The following LPP variants were observed in gnomAD, a reference collection of about 807,000 sequenced individuals.
The protein encoded by LPP is LIM domain containing preferred translocation partner in lipoma.
A neutral mutation model predicts 60.4 loss-of-function variants in LPP; 38 were observed. The ratio of observed to expected loss-of-function variants is 0.63; its 90% CI spans 0.49 to 0.83. The LOEUF is 0.83. LPP is among the 40% of genes least tolerant of loss of function. The pLI, the probability that LPP is intolerant of heterozygous loss-of-function variation, is 0.00. For synonymous variants in LPP, 328 were observed against 290.8 expected, an observed-to-expected ratio of 1.13 and a Z score of -1.30; for missense variants, 902 against 783.6, an observed-to-expected ratio of 1.15 and a Z score of -1.80.
At chr3:188,166,001 C>A (rs1264205464) in intron 1 of LPP, among the ~76,000 whole-genome samples, 2 of 152,102 alleles carry the variant, frequency 1.3e-5, no homozygotes, top group African/African-American at 4.8e-5. Flanking sequence ...TCTGTGACAT[C>A]TCTTAATTCT....
At chr3:188,804,166 T>A (rs1037043265) in intron 9 of LPP, among the ~76,000 whole-genome samples, 6 of 146,064 alleles carry the variant, frequency 4.1e-5, no homozygotes, top group African/African-American at 1.5e-4. Context: ...TTTGCTAAAA[T>A]TATTTATTCT....
intron 4 of LPP, among the ~76,000 whole-genome samples, chr3:188,447,732 C>T (rs556012960): frequency 4.6e-5 from 7 of 151,730 alleles, no homozygotes; most frequent in East Asian, 3.9e-4. Context: ...GCCGAGATCG[C>T]GCCATTGCAC....
Position 188,169,513 on chromosome 3 carries a change from G to GT in LPP, c.-190+15265dup, listed in dbSNP as rs1188717897. Among the ~76,000 whole-genome samples the GT allele has an allele frequency of 2.0e-5, 3 of 152,324 alleles. No homozygotes were observed. In the East Asian group the frequency reaches 5.8e-4, roughly 29 times the overall value. Reference sequence around the variant, plus strand: ...CAGTATTTCCCAAAGTGTTAAGGCTGTTTTATTAAGAAAAGGGTCCTGTAG... The same window carrying GT: ...CAGTATTTCCCAAAGTGTTAAGGCTGTTTTTATTAAGAAAAGGGTCCTGTAG... On this transcript the variant is annotated intron_variant, in intron 1 of 11. Coordinates refer to ENST00000617246, the MANE Select transcript of LPP (RefSeq NM_001375462.1).
intron 6 of LPP, among the ~76,000 whole-genome samples, chr3:188,575,572 C>G (rs1003741394): frequency 6.6e-6 from 1 of 152,104 alleles, no homozygotes; most frequent in Non-Finnish European, 1.5e-5. Context: ...ACTAAATATG[C>G]TTTTGATGTA....
intron 6 of LPP, among the ~76,000 whole-genome samples, chr3:188,551,454 A>G (rs1472071705): frequency 6.6e-6 from 1 of 152,164 alleles, no homozygotes; most frequent in Non-Finnish European, 1.5e-5. Flanking sequence ...GAGAAACCTA[A>G]TTGCTTATAT....
At chr3:188,533,851 A>C (rs894435066) in intron 6 of LPP, among the ~76,000 whole-genome samples, 1 of 152,202 alleles carries the variant, frequency 6.6e-6, no homozygotes, top group African/African-American at 2.4e-5. Flanking sequence ...TATGACAGGC[A>C]ATTAATTTTT....
intron 7 of LPP, among the ~76,000 whole-genome samples, chr3:188,659,415 A>AC (rs1166274756): frequency 2.0e-5 from 3 of 152,222 alleles, no homozygotes; most frequent in Non-Finnish European, 4.4e-5. Flanking sequence ...TTTTTATGTA[A>AC]CCATCAAGTA....
At chr3:188,691,907 T>C (rs1206920153) in intron 7 of LPP, among the ~76,000 whole-genome samples, 2 of 152,162 alleles carry the variant, frequency 1.3e-5, no homozygotes, top group African/African-American at 2.4e-5. Flanking sequence ...GAAACGTAAG[T>C]ACTTAAGGAG....
At chr3:188,751,141 ACAG>A (rs1171188512) in intron 8 of LPP, among the ~76,000 whole-genome samples, 1 of 152,202 alleles carries the variant, frequency 6.6e-6, no homozygotes, top group Non-Finnish European at 1.5e-5. Context: ...CTGCTGAAAT[ACAG>A]TAGCTTTAGA....
At chr3:188,789,886 C>T (rs934146303) in intron 9 of LPP, among the ~76,000 whole-genome samples, 3 of 151,988 alleles carry the variant, frequency 2.0e-5, no homozygotes, top group African/African-American at 7.3e-5. Flanking sequence ...ATTCTCAGAC[C>T]AGCCGGCATT....
intron 3 of LPP, among the ~76,000 whole-genome samples, chr3:188,359,253 A>G (rs1482550362): frequency 6.6e-6 from 1 of 152,144 alleles, no homozygotes; most frequent in Admixed American, 6.5e-5. Context: ...AGAAATTGTT[A>G]TGTGTCAGTT....
chr3:188,667,322 CA>C (rs1444127677), intron 7 of LPP, among the ~76,000 whole-genome samples: 2 of 151,808 alleles, frequency 1.3e-5, no homozygotes, highest in Non-Finnish European at 2.9e-5. Context: ...ACTAAAAATA[CA>C]AAAAATTAGC....
At chr3:188,324,348 A>T (rs572492020) in intron 2 of LPP, among the ~76,000 whole-genome samples, 1 of 152,204 alleles carries the variant, frequency 6.6e-6, no homozygotes, top group Admixed American at 6.5e-5. Context: ...TCCAACGTTC[A>T]TCACCTCCTG....
intron 6 of LPP, among the ~76,000 whole-genome samples, chr3:188,576,273 G>A (rs1834597197): frequency 6.6e-6 from 1 of 152,006 alleles, no homozygotes; most frequent in Admixed American, 6.6e-5. Flanking sequence ...GAATTGATAT[G>A]GCCACTGTTG....
intron 7 of LPP, among the ~76,000 whole-genome samples, chr3:188,656,329 G>A (rs1853210227): frequency 6.6e-6 from 1 of 152,054 alleles, no homozygotes; most frequent in African/African-American, 2.4e-5. Context: ...TGCTATGTCT[G>A]CAAATATTGG....
intron 9 of LPP, 150 bp from the exon 10 acceptor site, chr3:188,866,050 A>G (rs1766502670): frequency 2.0e-6 from 1 of 495,812 alleles, no homozygotes; most frequent in African/African-American, 2.0e-5. Context: ...ACTGTATTAA[A>G]GCTGTAGATG....
Position 188,411,947 on chromosome 3 carries a change from T to G in LPP, c.193+5634T>G, listed in dbSNP as rs1276350024. On this transcript the variant is annotated intron_variant, in intron 4 of 11. Coordinates refer to ENST00000617246, the MANE Select transcript of LPP (RefSeq NM_001375462.1). ...AACCACGATTACTTTTGCACCAACTTAATAACTCTCTCTCTCTCTTTCTCT... is the reference window on the plus strand; with the variant it reads ...AACCACGATTACTTTTGCACCAACTGAATAACTCTCTCTCTCTCTTTCTCT... Among the ~76,000 whole-genome samples the G allele has an allele frequency of 2.1e-5, 3 of 143,528 alleles. No individual in the cohort carries two copies. In the Admixed American group the frequency reaches 2.2e-4, roughly 10 times the overall value. The allele number at this position is 143,528 out of a possible 152,430, so 94.2% of individuals were successfully genotyped here. A position where few individuals can be genotyped will look rare whatever the true frequency, so the allele number is the denominator to read the frequency against.
intron 6 of LPP, among the ~76,000 whole-genome samples, chr3:188,567,721 G>A (rs1470891988): frequency 2.0e-5 from 3 of 151,884 alleles, no homozygotes; most frequent in African/African-American, 7.2e-5. Context: ...GAGCCTAGAA[G>A]GATTATCAGA....
intron 9 of LPP, among the ~76,000 whole-genome samples, chr3:188,836,858 T>A (rs1228655939): frequency 6.6e-6 from 1 of 152,196 alleles, no homozygotes; most frequent in East Asian, 1.9e-4. Context: ...ACTAACTTTG[T>A]GTTCATGTGG....
Sources: gnomAD v4.1 joint callset for allele counts (sites outside exome capture counted in the v4.1 genomes callset) on GRCh38, gnomAD v4.1.1 for gene constraint, MANE v1.5 for transcripts, NCBI Gene and HGNC (gene_info 2026-07-23, HGNC 2026-07-21) for gene names.